The following PHACTR1 variants were observed in gnomAD, a reference collection of about 807,000 sequenced individuals.
PHACTR1 encodes RPEL repeat containing 1.
Under a neutral mutation model 69.2 loss-of-function variants are expected in PHACTR1, and 16 were observed. The observed-to-expected ratio is 0.23, with a 90% confidence interval of 0.16 to 0.35. PHACTR1 has a LOEUF of 0.35. Among genes scored for constraint, PHACTR1 ranks in the 10% least tolerant of loss-of-function variants. The probability of loss-of-function intolerance (pLI) is 1.00; values close to 1 mark genes in which losing one functional copy is unlikely to be tolerated. For missense variants in PHACTR1, 510 were observed against 734.7 expected, an observed-to-expected ratio of 0.69 and a Z score of 3.54; for synonymous variants, 312 against 284.5, an observed-to-expected ratio of 1.10 and a Z score of -0.97.
intron 4 of PHACTR1, among the ~76,000 whole-genome samples, chr6:12,776,203 G>A (rs972874107): frequency 3.9e-5 from 6 of 152,186 alleles, no homozygotes. Flanking sequence ...CATCAGCCTA[G>A]AAAGTGCTGA....
chr6:13,065,781 T>C (rs1260269513), intron 5 of PHACTR1, among the ~76,000 whole-genome samples: 2 of 152,114 alleles, frequency 1.3e-5, no homozygotes, highest in Non-Finnish European at 2.9e-5. Context: ...GCACACATTT[T>C]TCAGCAATGA....
chr6:13,227,754 G>A, intron 8 of PHACTR1, 62 bp from the exon 9 acceptor site: 4 of 1,566,178 alleles, frequency 2.6e-6, no homozygotes, highest in Non-Finnish European at 2.6e-6. Flanking sequence ...AAATGGTTTT[G>A]ATGCATTTAT....
chr6:12,948,112 G>A (rs926312259), intron 4 of PHACTR1, among the ~76,000 whole-genome samples: 10 of 152,298 alleles, frequency 6.6e-5, no homozygotes, highest in African/African-American at 2.4e-4. Context: ...CTTAGGAGCT[G>A]GATGGTTCTG....
At chr6:12,931,130 C>A (rs912409411) in intron 4 of PHACTR1, among the ~76,000 whole-genome samples, 1 of 151,718 alleles carries the variant, frequency 6.6e-6, no homozygotes, top group African/African-American at 2.4e-5. Context: ...GGCTTAAGAT[C>A]GAAATTTGCT....
intron 4 of PHACTR1, among the ~76,000 whole-genome samples, chr6:13,040,407 G>A (rs1583083176): frequency 6.6e-6 from 1 of 152,176 alleles, no homozygotes; most frequent in East Asian, 1.9e-4. Context: ...GTTTCATTAT[G>A]TGTCCTAAAG....
chr6:13,138,154 G>A (rs1821849833), intron 5 of PHACTR1, among the ~76,000 whole-genome samples: 1 of 152,174 alleles, frequency 6.6e-6, no homozygotes, highest in African/African-American at 2.4e-5. Context: ...GGCCTTAAGG[G>A]ATGTGATGAG....
At chr6:12,871,308 A>G (rs1261873120) in intron 4 of PHACTR1, among the ~76,000 whole-genome samples, 1 of 152,152 alleles carries the variant, frequency 6.6e-6, no homozygotes, top group African/African-American at 2.4e-5. Flanking sequence ...CCCACCCTAA[A>G]AATGCCTCAA....
chr6:12,743,358 T>C (rs1011225529), intron 3 of PHACTR1, among the ~76,000 whole-genome samples: 1 of 152,216 alleles, frequency 6.6e-6, no homozygotes, highest in Non-Finnish European at 1.5e-5. Flanking sequence ...AGTCTTATAC[T>C]TGCCCTGATT....
chr6:13,087,803 G>A lies in PHACTR1; in HGVS notation c.415+34274G>A, dbSNP rs377026368. 3.3e-5 allele frequency among the ~76,000 whole-genome samples: 5 copies of A among 151,684 alleles called. No individual in the cohort carries two copies. In the East Asian group the frequency reaches 7.8e-4, roughly 24 times the overall value. On this transcript the variant is annotated intron_variant, in intron 5 of 14. Coordinates refer to ENST00000332995, the MANE Select transcript of PHACTR1 (RefSeq NM_030948.6). Reference sequence around the variant, plus strand: ...TGGGACTATAGGTGCATGCCACCACGCCTGGCTAATATTTTGTATTTTTTG... The same window carrying A: ...TGGGACTATAGGTGCATGCCACCACACCTGGCTAATATTTTGTATTTTTTG...
chr6:12,858,112 CA>C (rs1780586258), intron 4 of PHACTR1, among the ~76,000 whole-genome samples: 1 of 152,122 alleles, frequency 6.6e-6, no homozygotes, highest in African/African-American at 2.4e-5. Context: ...ATGTAAATTG[CA>C]GAAGTTGGAG....
intron 3 of PHACTR1, among the ~76,000 whole-genome samples, chr6:12,725,916 C>T (rs1351982828): frequency 6.6e-6 from 1 of 151,932 alleles, no homozygotes; most frequent in Non-Finnish European, 1.5e-5. Context: ...TTTATGGGTA[C>T]ATAGTATAAA....
At chr6:13,024,052 G>A (rs973647332) in intron 4 of PHACTR1, among the ~76,000 whole-genome samples, 4 of 151,656 alleles carry the variant, frequency 2.6e-5, no homozygotes, top group Non-Finnish European at 5.9e-5. Flanking sequence ...ACTCCAGCCT[G>A]GGTGACAGAG....
At chr6:12,802,668 C>T (rs1229813807) in intron 4 of PHACTR1, among the ~76,000 whole-genome samples, 1 of 152,098 alleles carries the variant, frequency 6.6e-6, no homozygotes, top group African/African-American at 2.4e-5. Flanking sequence ...CCATCAAGTA[C>T]AAGATACATT....
intron 4 of PHACTR1, among the ~76,000 whole-genome samples, chr6:12,926,877 T>C (rs929060878): frequency 1.3e-5 from 2 of 151,112 alleles, no homozygotes; most frequent in Non-Finnish European, 1.5e-5. Flanking sequence ...GCGCTGGTCC[T>C]GGTCCTGCCT....
chr6:13,261,346 GT>G (rs1257370483), intron 10 of PHACTR1, among the ~76,000 whole-genome samples: 2 of 152,144 alleles, frequency 1.3e-5, no homozygotes, highest in African/African-American at 4.8e-5. Flanking sequence ...AGAGGTAAAG[GT>G]TAAAGGTAAG....
At chr6:13,284,159 G>T (rs1400199412) in intron 13 of PHACTR1, among the ~76,000 whole-genome samples, 1 of 152,122 alleles carries the variant, frequency 6.6e-6, no homozygotes, top group African/African-American at 2.4e-5. Flanking sequence ...ACCTCTGTTT[G>T]GTAATCCTCT....
intron 4 of PHACTR1, among the ~76,000 whole-genome samples, chr6:12,913,198 T>C (rs1423800801): frequency 6.6e-6 from 1 of 152,232 alleles, no homozygotes. Context: ...AAAGAGATCA[T>C]GCAGAATATG....
intron 8 of PHACTR1, among the ~76,000 whole-genome samples, chr6:13,227,360 C>G (rs1769943529): frequency 6.6e-6 from 1 of 152,214 alleles, no homozygotes; most frequent in Admixed American, 6.5e-5. Flanking sequence ...TCTTTCTCTC[C>G]TGAATCTGTA....
intron 3 of PHACTR1, among the ~76,000 whole-genome samples, chr6:12,732,950 A>G (rs1763740136): frequency 6.6e-6 from 1 of 152,192 alleles, no homozygotes; most frequent in Non-Finnish European, 1.5e-5. Flanking sequence ...GTCTCTGACT[A>G]ATACCTCGTG....
Sources: gnomAD v4.1 joint callset for allele counts (sites outside exome capture counted in the v4.1 genomes callset) on GRCh38, gnomAD v4.1.1 for gene constraint, MANE v1.5 for transcripts, NCBI Gene and HGNC (gene_info 2026-07-23, HGNC 2026-07-21) for gene names.